ZBTB18: variants seen among roughly 807,000 people sequenced by gnomAD.
The protein encoded by ZBTB18 is zinc finger and BTB domain-containing protein 18.
Under a neutral mutation model 37.7 loss-of-function variants are expected in ZBTB18, and 2 were observed. The observed-to-expected ratio is 0.05, with a 90% CI of 0.02 to 0.17. The LOEUF (loss-of-function observed/expected upper bound fraction) is 0.17. Ranked by LOEUF, ZBTB18 falls within the 10% of genes least tolerant of loss-of-function variation. ZBTB18 has a pLI of 1.00. For missense variants in ZBTB18, 408 were observed against 686.3 expected, an observed-to-expected ratio of 0.59 and a Z score of 4.53; for synonymous variants, 304 against 276.5, an observed-to-expected ratio of 1.10 and a Z score of -0.99.
At chr1:244,048,657 G>A (rs1394872217), upstream of ZBTB18, among the ~76,000 whole-genome samples, 5 of 48,988 alleles carry the variant, frequency 1.0e-4, no homozygotes, top group African/African-American at 3.6e-4. Context: ...CCCCCCACCC[G>A]GCCCGGCGGC....
chr1:244,051,166 G>A (rs542551723), upstream of ZBTB18: 1 of 423,128 alleles, frequency 2.4e-6, no homozygotes, highest in South Asian at 5.6e-5. Flanking sequence ...TAGAGGAGTA[G>A]CATATGGCAT....
upstream of ZBTB18, chr1:244,048,856 G>A (rs1698288467): frequency 6.8e-6 from 1 of 147,742 alleles, no homozygotes. Context: ...TTGGGGGGTG[G>A]GGGGGCCGGG....
In ZBTB18 at chr1:244,055,409, T is replaced by C. The variant is rs776214706; in HGVS notation, c.*39T>C. ...TAAATAATATATATATATATACATA[T>C]ATATAAATAGATCTCTATATAGTTG... On this transcript the variant is annotated 3_prime_UTR_variant, in exon 2 of 2. Transcript: ENST00000358704. This position sits in a 1 kb window ranked among gnomAD's most constrained non-coding sequence, Gnocchi z 7.0. 6.1e-6 allele frequency: 4 copies of C among 651,604 alleles called. No homozygotes were observed. The highest frequency in any genetic ancestry group is 8.5e-6 in the Non-Finnish European group (4 of 473,022). The allele number at this position is 651,604 out of a possible 1,614,324, so 40.4% of individuals were successfully genotyped here.
At chr1:244,052,183 C>T (rs896687435) in intron 1 of ZBTB18, among the ~76,000 whole-genome samples, 1 of 152,190 alleles carries the variant, frequency 6.6e-6, no homozygotes, top group African/African-American at 2.4e-5. Flanking sequence ...GCAGCAGCTG[C>T]CATATGGCCA....
At position 244,053,281 on chromosome 1, in the gene ZBTB18, T is replaced by G. The variant is rs1698388405; in HGVS notation, c.14-507T>G. 6.6e-6 allele frequency among the ~76,000 whole-genome samples: 1 copy of G among 152,066 alleles called. No individual in the cohort carries two copies. The highest frequency in any genetic ancestry group is 2.4e-5 in the African/African-American group (1 of 41,408). On this transcript the variant is annotated intron_variant, in intron 1 of 1. Coordinates refer to ENST00000358704, the MANE Select transcript of ZBTB18 (RefSeq NM_205768.3). The surrounding 1 kb of genome is among the most constrained non-coding windows in gnomAD (Gnocchi z 5.2). ...TTCAGCCAAATGTGTGTGTGTGTGT[T>G]TAAACTGTGCTTTCTAAGCACAGTC...
upstream of ZBTB18, chr1:244,048,819 G>T (rs1184287292): frequency 6.7e-6 from 1 of 149,296 alleles, no homozygotes; most frequent in African/African-American, 2.4e-5. Context: ...AGGGAGGGGC[G>T]GGGGGGAGCG....
upstream of ZBTB18, among the ~76,000 whole-genome samples, chr1:244,048,635 C>CCCA (rs1698282436): frequency 7.0e-6 from 1 of 141,858 alleles, no homozygotes; most frequent in Non-Finnish European, 1.6e-5. Flanking sequence ...CCCGCCCCCC[C>CCCA]CCCGCCCCCG....
chr1:244,052,173 G>A (rs1698368646), intron 1 of ZBTB18, among the ~76,000 whole-genome samples: 1 of 152,148 alleles, frequency 6.6e-6, no homozygotes, highest in Non-Finnish European at 1.5e-5. Context: ...CTTTATCTGG[G>A]CAGCAGCTGC....
chr1:244,054,697 A>G lies in ZBTB18; in HGVS notation c.923A>G (p.Glu308Gly). Residue 308 changes from glutamate (E) to glycine (G), a missense_variant, in exon 2 of 2, where the codon GAA (glutamate) becomes GGA (glycine). Glu to Gly is a moderately conservative substitution (Grantham distance 98, BLOSUM62 -2). This residue lies in a region of ZBTB18 where 266 missense variants were observed against 312.0 expected (regional missense o/e 0.85). Transcript: ENST00000358704. The surrounding 1 kb of genome is among the most constrained non-coding windows in gnomAD (Gnocchi z 9.0). ...GACATGGAACATAGCACTGTGAAAG[A>G]AAGTGTGAGCACTAATAACAGGGTA... is the stretch of plus-strand genomic sequence containing the variant. The part of the protein sequence containing the change: ...DYDMEHSTVK[E>G]SVSTNNRVQY... 1 of 1,614,222 alleles carries G rather than the reference A, an allele frequency of 6.2e-7. No homozygotes were observed. The highest frequency in any genetic ancestry group is 8.5e-7 in the Non-Finnish European group (1 of 1,180,048).
rs1698408850 is a variant in ZBTB18 at position 244,054,279 on chromosome 1, G to A, written c.505G>A (p.Asp169Asn). The change falls in exon 2 of 2, where the codon GAT becomes AAT. Residue 169 changes from aspartate (D) to asparagine (N), a missense_variant. By Grantham distance (23) the Asp-to-Asn change is conservative. Around this residue, in one of 4 missense-constraint regions of ZBTB18, gnomAD observed 95 missense variants for 218.7 expected, o/e 0.43. Coordinates refer to ENST00000358704, the MANE Select transcript of ZBTB18 (RefSeq NM_205768.3). The surrounding 1 kb of genome is among the most constrained non-coding windows in gnomAD (Gnocchi z 9.0). The part of the protein sequence containing the change: ...HIAGDLPSDE[D>N]EGEDEKLNIL... ...AGCAGGCGATTTGCCCAGTGATGAA[G>A]ATGAAGGAGAAGATGAAAAATTGAA... 1 of 1,614,228 alleles carries A rather than the reference G, an allele frequency of 6.2e-7. No individual in the cohort carries two copies. Among genetic ancestry groups the A allele is most frequent in the Non-Finnish European group, 8.5e-7 (1 of 1,180,044 alleles).
Position 244,055,402 on chromosome 1 carries a change from A to AAAAT in ZBTB18, c.*32_*33insAAAT. 1 of 648,116 alleles carries AAAAT rather than the reference A, an allele frequency of 1.5e-6. No individual in the cohort carries two copies. The highest frequency in any genetic ancestry group is 2.1e-6 in the Non-Finnish European group (1 of 467,856). 40.1% of individuals were successfully genotyped at this position (648,116 alleles called of 1,614,324 possible). A position where few individuals can be genotyped will look rare whatever the true frequency, so the allele number is the denominator to read the frequency against. ...ATATATATAAATAATATATATATAT[A>AAAAT]TACATATATATAAATAGATCTCTAT... On this transcript the variant is annotated 3_prime_UTR_variant, in exon 2 of 2. Coordinates refer to ENST00000358704, the MANE Select transcript of ZBTB18 (RefSeq NM_205768.3). This position sits in a 1 kb window ranked among gnomAD's most constrained non-coding sequence, Gnocchi z 7.0.
At chr1:244,051,154 T>A, upstream of ZBTB18, 1 of 383,666 alleles carries the variant, frequency 2.6e-6, no homozygotes, top group Non-Finnish European at 4.6e-6. Context: ...GTGGCAGGAG[T>A]GTAGAGGAGT....
At chr1:244,051,915 C>G (rs749907780) in intron 1 of ZBTB18, among the ~76,000 whole-genome samples, 37 of 152,056 alleles carry the variant, frequency 2.4e-4, no homozygotes, top group Non-Finnish European at 8.8e-5. Flanking sequence ...CTGAAACATA[C>G]AGCTGTAGTG....
upstream of ZBTB18, among the ~76,000 whole-genome samples, chr1:244,049,317 C>A (rs866310911): frequency 7.0e-6 from 1 of 143,352 alleles, no homozygotes; most frequent in South Asian, 2.2e-4. Flanking sequence ...GGCTCCCGGC[C>A]GGTGCAGCTG....
At position 244,055,275 on chromosome 1, in the gene ZBTB18, T is replaced by C; in HGVS notation, c.1501T>C (p.Leu501=). The change falls in exon 2 of 2, where the codon TTG becomes CTG. Residue 501 remains leucine, a synonymous_variant. Transcript: ENST00000358704. The surrounding 1 kb of genome is among the most constrained non-coding windows in gnomAD (Gnocchi z 7.0). ...ACACATTCGCAAGTTCCACTGTGAG[T>C]TGGTGAACTCCTTGTCGGTCAAAAG... ...YRHIRKFHCE[L]VNSLSVKSEA... The C allele has an allele frequency of 6.2e-7, 1 of 1,613,914 alleles. No individual in the cohort carries two copies. The highest frequency in any genetic ancestry group is 8.5e-7 in the Non-Finnish European group (1 of 1,179,978).
upstream of ZBTB18, among the ~76,000 whole-genome samples, chr1:244,049,686 T>TTA (rs1328442830): frequency 6.6e-6 from 1 of 152,236 alleles, no homozygotes; most frequent in Non-Finnish European, 1.5e-5. Flanking sequence ...CCCTGTGGTT[T>TTA]TAACCTTCCT....
upstream of ZBTB18, among the ~76,000 whole-genome samples, chr1:244,049,761 C>G (rs1012056081): frequency 6.6e-6 from 1 of 152,074 alleles, no homozygotes. Flanking sequence ...CCACTCGGCA[C>G]CCCCGCCCCC....
At position 244,056,661 on chromosome 1, in the gene ZBTB18, C is replaced by G. The variant is rs1216452940; in HGVS notation, c.*1291C>G. On this transcript the variant is annotated 3_prime_UTR_variant, in exon 2 of 2. Transcript: ENST00000358704. ...CTTACCCTCCCTCCCTTACTCTCCCCCCCCACCACCACCCTCCACCCCCAA... is the reference window on the plus strand; with the variant it reads ...CTTACCCTCCCTCCCTTACTCTCCCGCCCCACCACCACCCTCCACCCCCAA... 6.1e-6 allele frequency: 1 copy of G among 163,664 alleles called. No individual in the cohort carries two copies. The highest frequency in any genetic ancestry group is 1.5e-5 in the Non-Finnish European group (1 of 67,548). The allele number at this position is 163,664 out of a possible 1,614,324, so 10.1% of individuals were successfully genotyped here.
In ZBTB18 at chr1:244,051,313, T is replaced by C; in HGVS notation, c.-119T>C. 1.9e-6 allele frequency: 2 copies of C among 1,080,508 alleles called. No individual in the cohort carries two copies. Among genetic ancestry groups the C allele is most frequent in the Non-Finnish European group, 2.8e-6 (2 of 717,906 alleles). The allele number at this position is 1,080,508 out of a possible 1,614,324, so 66.9% of individuals were successfully genotyped here. On this transcript the variant is annotated 5_prime_UTR_variant, in exon 1 of 2. Transcript: ENST00000358704. ...GTGCGGATCTGTGGTGGAGAAGGTATCTCATTCCTCTCTAACATCATCTCC... is the reference window on the plus strand; with the variant it reads ...GTGCGGATCTGTGGTGGAGAAGGTACCTCATTCCTCTCTAACATCATCTCC...
Sources: allele counts gnomAD v4.1 joint callset (sites outside exome capture counted in the v4.1 genomes callset), GRCh38; gene constraint gnomAD v4.1.1; regional missense constraint gnomAD v4.1.1; non-coding constraint Gnocchi (gnomAD v3.1); transcripts MANE v1.5; gene names NCBI Gene and HGNC (gene_info 2026-07-23, HGNC 2026-07-21).